RBMS1: variants seen among roughly 807,000 people sequenced by gnomAD.
The protein encoded by RBMS1 is RNA-binding motif, single-stranded-interacting protein 1.
RBMS1 carries 17 observed loss-of-function variants against 62.3 expected under a neutral mutation model. The ratio of observed to expected loss-of-function variants is 0.27; its 90% confidence interval spans 0.19 to 0.41. The LOEUF (loss-of-function observed/expected upper bound fraction) is 0.41, where lower values mean the gene tolerates loss of function less well. RBMS1 is among the 10% of genes least tolerant of loss of function. The pLI is 1.00. For synonymous variants in RBMS1, 172 were observed against 170.0 expected, an observed-to-expected ratio of 1.01 and a Z score of -0.09; for missense variants, 334 against 504.5, an observed-to-expected ratio of 0.66 and a Z score of 3.24.
intron 1 of RBMS1, among the ~76,000 whole-genome samples, chr2:160,403,163 T>A (rs564750880): frequency 7.9e-5 from 12 of 152,254 alleles, no homozygotes; most frequent in Admixed American, 3.9e-4. Context: ...TAAAATATCA[T>A]CATCATGACT....
intron 1 of RBMS1, among the ~76,000 whole-genome samples, chr2:160,423,568 C>T (rs1354959756): frequency 6.6e-6 from 1 of 152,208 alleles, no homozygotes. Flanking sequence ...TATGACAGCA[C>T]CAGCCACTCA....
intron 4 of RBMS1, among the ~76,000 whole-genome samples, chr2:160,312,833 A>C (rs989595194): frequency 9.2e-5 from 14 of 152,174 alleles, no homozygotes; most frequent in East Asian, 3.9e-4. Context: ...AAAAAAAAAA[A>C]AACAGTACAG....
chr2:160,313,113 C>G (rs746067200), intron 4 of RBMS1, 43 bp downstream of exon 4: 1 of 1,587,310 alleles, frequency 6.3e-7, no homozygotes, highest in Admixed American at 1.7e-5. Flanking sequence ...GCTTCACAAC[C>G]AAAGCTGTGG....
intron 5 of RBMS1, 24 bp from the exon 6 acceptor site, chr2:160,300,754 C>T: frequency 1.3e-6 from 2 of 1,530,802 alleles, no homozygotes; most frequent in Non-Finnish European, 1.8e-6. Flanking sequence ...AAATAGAATA[C>T]ATAAATATTT....
intron 9 of RBMS1, chr2:160,282,243 G>A (rs1688137975): frequency 2.2e-6 from 3 of 1,367,644 alleles, no homozygotes; most frequent in Non-Finnish European, 2.9e-6. Context: ...GGGGAAGAAT[G>A]TATTGCGATT....
chr2:160,439,630 GCTC>G (rs745401529), intron 1 of RBMS1, among the ~76,000 whole-genome samples: 180 of 152,222 alleles, frequency 1.2e-3, no homozygotes, highest in Non-Finnish European at 2.0e-3. Context: ...AGGCGGAGAC[GCTC>G]CTCACTTCCC....
chr2:160,455,254 T>C (rs1684170207), intron 1 of RBMS1, among the ~76,000 whole-genome samples: 1 of 152,220 alleles, frequency 6.6e-6, no homozygotes, highest in African/African-American at 2.4e-5. Context: ...AATGGCAATA[T>C]AAGACATGGT....
At chr2:160,456,312 C>T (rs1048454785) in intron 1 of RBMS1, among the ~76,000 whole-genome samples, 1 of 152,062 alleles carries the variant, frequency 6.6e-6, no homozygotes, top group South Asian at 2.1e-4. Context: ...TTTTTCTTTC[C>T]ACTGGAAAGA....
At chr2:160,493,176 A>T (rs1241809808) in intron 1 of RBMS1, 113 bp downstream of exon 1, 12 of 1,065,324 alleles carry the variant, frequency 1.1e-5, no homozygotes, top group Admixed American at 6.8e-5. Flanking sequence ...CCTTCCAGCA[A>T]CTCCGCCCGG....
chr2:160,473,109 T>G (rs754049040), intron 1 of RBMS1, among the ~76,000 whole-genome samples: 8 of 152,228 alleles, frequency 5.3e-5, no homozygotes, highest in African/African-American at 1.4e-4. Context: ...TAAGTGACAG[T>G]TGACTTCTCT....
At chr2:160,278,766 C>CAA (rs1687963937) in intron 10 of RBMS1, 108 bp from the exon 11 acceptor site, 1 of 662,062 alleles carries the variant, frequency 1.5e-6, no homozygotes, top group Non-Finnish European at 2.6e-6. Context: ...GAATGTGAAG[C>CAA]AAAAACAACC....
chr2:160,354,867 G>A (rs991751751), intron 2 of RBMS1, among the ~76,000 whole-genome samples: 2 of 152,140 alleles, frequency 1.3e-5, no homozygotes, highest in African/African-American at 4.8e-5. Flanking sequence ...GGCAAGAGGA[G>A]AGAAAGTCCA....
At chr2:160,397,145 G>A (rs1019729180) in intron 1 of RBMS1, among the ~76,000 whole-genome samples, 3 of 151,942 alleles carry the variant, frequency 2.0e-5, no homozygotes, top group African/African-American at 7.3e-5. Context: ...TCGTACCTCT[G>A]AACTCCCATG....
intron 1 of RBMS1, among the ~76,000 whole-genome samples, chr2:160,405,143 G>A (rs1695632709): frequency 6.6e-6 from 1 of 152,214 alleles, no homozygotes; most frequent in Admixed American, 6.5e-5. Context: ...TCAGCAGGTA[G>A]TGAAGTACTC....
chr2:160,450,433 G>C (rs1683916431), intron 1 of RBMS1, among the ~76,000 whole-genome samples: 1 of 151,946 alleles, frequency 6.6e-6, no homozygotes, highest in Admixed American at 6.6e-5. Flanking sequence ...CCAGCTACTT[G>C]GGAGGCTGAG....
chr2:160,286,917 T>A (rs1296011396), intron 7 of RBMS1, 52 bp downstream of exon 7: 3 of 1,609,030 alleles, frequency 1.9e-6, no homozygotes, highest in Non-Finnish European at 2.5e-6. Context: ...CATGTGGGCA[T>A]TCAAGATCAC....
intron 6 of RBMS1, among the ~76,000 whole-genome samples, chr2:160,293,629 T>C (rs530984351): frequency 2.1e-4 from 32 of 152,214 alleles, no homozygotes; most frequent in African/African-American, 7.2e-4. Context: ...AATCATACTG[T>C]CTCCTGCAGC....
At chr2:160,352,261 G>C (rs993509165) in intron 2 of RBMS1, among the ~76,000 whole-genome samples, 4 of 152,074 alleles carry the variant, frequency 2.6e-5, no homozygotes, top group Admixed American at 6.6e-5. Flanking sequence ...GCACGGTCAA[G>C]GGATCACCTG....
At chr2:160,449,149 A>T (rs1428097154) in intron 1 of RBMS1, among the ~76,000 whole-genome samples, 1 of 128,436 alleles carries the variant, frequency 7.8e-6, no homozygotes, top group African/African-American at 3.0e-5. Flanking sequence ...AGCCGCCCCC[A>T]CTGGGAAGTG....
Sources: allele counts gnomAD v4.1 joint callset (sites outside exome capture counted in the v4.1 genomes callset), GRCh38; gene constraint gnomAD v4.1.1; transcripts MANE v1.5; gene names NCBI Gene and HGNC (gene_info 2026-07-23, HGNC 2026-07-21).